The following THUMPD3 variants were observed in gnomAD, a reference collection of about 807,000 sequenced individuals.
THUMPD3 encodes the protein THUMP domain 3 tRNA guanosine methyltransferase.
In THUMPD3, 44 loss-of-function variants were observed where a neutral mutation model predicts 54.5. That is an observed-to-expected ratio of 0.81 (90% CI 0.63 to 1.04). THUMPD3 has a LOEUF of 1.04. Among genes scored for constraint, THUMPD3 ranks in the 50% least tolerant of loss-of-function variants. THUMPD3 has a pLI of 0.00. For missense variants in THUMPD3, 604 were observed against 601.3 expected (o/e 1.00, Z -0.05); for synonymous variants, 196 against 201.4 (o/e 0.97, Z 0.23).
chr3:9,374,431 A>C, intron 4 of THUMPD3, 85 bp from the exon 5 acceptor site: 1 of 1,531,558 alleles, frequency 6.5e-7, no homozygotes. Context: ...AGGAGGGGTG[A>C]ACCGGCCCAG....
At chr3:9,367,713 A>C (rs2031674352) in intron 3 of THUMPD3, among the ~76,000 whole-genome samples, 1 of 152,200 alleles carries the variant, frequency 6.6e-6, no homozygotes, top group African/African-American at 2.4e-5. Context: ...TTATTCAAAA[A>C]CGAGTCAAAG....
chr3:9,367,063 A>G (rs1306066016), intron 3 of THUMPD3, 78 bp downstream of exon 3: 1 of 1,167,370 alleles, frequency 8.6e-7, no homozygotes, highest in African/African-American at 1.5e-5. Context: ...ATAGTCTGTG[A>G]AAGTTTAGCA....
Position 9,366,900 on chromosome 3 carries a change from T to C in THUMPD3, c.253-8T>C, listed in dbSNP as rs1559299229. On this transcript the variant is annotated splice_region_variant and splice_polypyrimidine_tract_variant and intron_variant, in intron 2 of 9. Transcript: ENST00000452837. The stretch of plus-strand genomic sequence containing the variant: ...TCTCAGAAATGTGTTTCTTTTTTTT[T>C]CACCCAGGTTCATTGTCTGAGATCA... 1.9e-6 allele frequency: 3 copies of C among 1,602,010 alleles called. No individual in the cohort carries two copies.
At chr3:9,368,110 A>G (rs1281693207) in intron 3 of THUMPD3, among the ~76,000 whole-genome samples, 1 of 152,154 alleles carries the variant, frequency 6.6e-6, no homozygotes, top group African/African-American at 2.4e-5. Context: ...GTATTAAGTA[A>G]AAATCTAACT....
intron 7 of THUMPD3, among the ~76,000 whole-genome samples, chr3:9,382,188 TTTAAAA>T (rs1645938300): frequency 6.6e-6 from 1 of 152,200 alleles, no homozygotes; most frequent in African/African-American, 2.4e-5. Flanking sequence ...TATGTGTACT[TTTAAAA>T]ATTATGTAAT....
At position 9,377,785 on chromosome 3, in the gene THUMPD3, T is replaced by G. The variant is rs769210091; in HGVS notation, c.939-34T>G. On this transcript the variant is annotated intron_variant, in intron 5 of 9. Transcript: ENST00000452837. ...CAGTATAGAAGCCTCAGCTTTTGAG[T>G]GAGTCTTCACATAGGCTGTTTTCTT... is the stretch of plus-strand genomic sequence containing the variant. 3 of 1,570,340 alleles carry G rather than the reference T, an allele frequency of 1.9e-6. No individual in the cohort carries two copies. The South Asian group carries it at 3.3e-5, about 17-fold the overall frequency.
intron 3 of THUMPD3, 72 bp downstream of exon 3, chr3:9,367,057 T>A: frequency 1.6e-6 from 2 of 1,242,074 alleles, no homozygotes; most frequent in Non-Finnish European, 2.3e-6. Context: ...TTTTTCATAG[T>A]CTGTGAAAGT....
At chr3:9,377,764 A>G in intron 5 of THUMPD3, 55 bp from the exon 6 acceptor site, 3 of 1,393,576 alleles carry the variant, frequency 2.2e-6, no homozygotes, top group Non-Finnish European at 3.1e-6. Context: ...AATCATCAGT[A>G]TAGAAGCCTC....
rs373316869 is a variant in THUMPD3, at chr3:9,385,689, G to T, written c.*1001G>T. 1 of 152,180 alleles carries T rather than the reference G, an allele frequency of 6.6e-6. No individual in the cohort carries two copies. Among genetic ancestry groups the T allele is most frequent in the Admixed American group, 6.5e-5 (1 of 15,276 alleles). 9.4% of individuals were successfully genotyped at this position (152,180 alleles called of 1,614,324 possible). A position where few individuals can be genotyped will look rare whatever the true frequency, so the allele number is the denominator to read the frequency against. On this transcript the variant is annotated 3_prime_UTR_variant, in exon 10 of 10. Coordinates refer to ENST00000452837, the MANE Select transcript of THUMPD3 (RefSeq NM_001114092.2). ...CCAACAAACCAAATTAAAAGAAATT[G>T]TTTTTCTTTCAGTACACTAAGGTGT...
rs774321936 is a variant in THUMPD3 at position 9,371,200 on chromosome 3, G to A, written c.471G>A (p.Lys157=). 1 of 1,610,656 alleles carries A rather than the reference G, an allele frequency of 6.2e-7. No homozygotes were observed. The highest frequency in any genetic ancestry group is 2.2e-5 in the East Asian group (1 of 44,870). Residue 157 remains lysine (K), a synonymous_variant, in exon 4 of 10, where the codon AAG becomes AAA. Coordinates refer to ENST00000452837, the MANE Select transcript of THUMPD3 (RefSeq NM_001114092.2). ...KKINQNSSKE[K]INNGQEVKID... ...TAAATCAGAATTCAAGTAAAGAGAA[G>A]ATTAATAATGGACAAGAAGTCAAAA...
chr3:9,383,270 C>T lies in THUMPD3; in HGVS notation c.1196C>T (p.Ser399Phe). ...DICNLPLRTG[S>F]VDIIVTDLPF... ...TGCAATCTGCCATTGAGAACTGGCT[C>T]TGTGGATATTATTGTAACAGATTTG... Residue 399 changes from serine (S) to phenylalanine (F), a missense_variant, in exon 8 of 10, where the codon TCT becomes TTT. Transcript: ENST00000452837. 1.9e-6 allele frequency: 3 copies of T among 1,613,928 alleles called. No individual in the cohort carries two copies. Among genetic ancestry groups the T allele is most frequent in the African/African-American group, 1.3e-5 (1 of 75,024 alleles).
chr3:9,383,462 G>A (rs766564836), intron 8 of THUMPD3, among the ~76,000 whole-genome samples, 153 bp downstream of exon 8: 13 of 151,992 alleles, frequency 8.6e-5, no homozygotes, highest in Admixed American at 5.9e-4. Context: ...TGTTTCTTCC[G>A]AGAACTCAGG....
intron 2 of THUMPD3, 30 bp downstream of exon 2, chr3:9,365,350 T>C (rs892261921): frequency 1.2e-6 from 2 of 1,607,048 alleles, no homozygotes; most frequent in Middle Eastern, 1.7e-4. Context: ...TAAAATAGTT[T>C]TCTAAGTTGA....
Position 9,364,988 on chromosome 3 carries a change from T to G in THUMPD3, c.-53-28T>G, listed in dbSNP as rs1484428231. On this transcript the variant is annotated intron_variant, in intron 1 of 9. Transcript: ENST00000452837. ...TAACTGAAATATGAGATGATAATAT[T>G]TGGGCTTTATTTCTTTTTCTTTTAA... 2.0e-6 allele frequency: 3 copies of G among 1,511,274 alleles called. No individual in the cohort carries two copies. The African/African-American group carries it at 4.2e-5, about 21-fold the overall frequency. The allele number at this position is 1,511,274 out of a possible 1,614,324, so 93.6% of individuals were successfully genotyped here.
chr3:9,382,555 CTT>C (rs2033009171), intron 7 of THUMPD3, among the ~76,000 whole-genome samples: 1 of 152,142 alleles, frequency 6.6e-6, no homozygotes, highest in Non-Finnish European at 1.5e-5. Context: ...GTTTTACAAA[CTT>C]TATTCTTCAG....
chr3:9,371,251 G>A lies in THUMPD3; in HGVS notation c.522G>A (p.Glu174=), dbSNP rs372452738. The A allele has an allele frequency of 1.7e-5, 27 of 1,612,506 alleles. No individual in the cohort carries two copies. The highest frequency in any genetic ancestry group is 2.3e-5 in the Non-Finnish European group (27 of 1,179,674). ...VKIDQRNVKK[E]FTSHALDSHI... ...TCGATCAGAGAAATGTTAAAAAAGA[G>A]TTCACTAGCCATGCTTTAGATTCTC... is the stretch of plus-strand genomic sequence containing the variant. The change falls in exon 4 of 10, where the codon GAG becomes GAA. Residue 174 remains glutamate, a synonymous_variant. Coordinates refer to ENST00000452837, the MANE Select transcript of THUMPD3 (RefSeq NM_001114092.2).
chr3:9,381,840 C>T (rs1316491276), intron 7 of THUMPD3, among the ~76,000 whole-genome samples: 1 of 120,346 alleles, frequency 8.3e-6, no homozygotes, highest in Non-Finnish European at 1.6e-5. Context: ...AGTGCAGTGG[C>T]TTGATCTCGG....
intron 2 of THUMPD3, 105 bp from the exon 3 acceptor site, chr3:9,366,803 A>T: frequency 1.2e-6 from 1 of 831,480 alleles, no homozygotes; most frequent in Non-Finnish European, 1.8e-6. Context: ...TATAGTTAGT[A>T]GCTGCTTTAA....
At chr3:9,377,711 CCT>C in intron 5 of THUMPD3, 106 bp from the exon 6 acceptor site, 1 of 764,714 alleles carries the variant, frequency 1.3e-6, no homozygotes, top group Non-Finnish European at 2.2e-6. Flanking sequence ...GATTGGTGTT[CCT>C]TCGGGCTAGT....
Sources: allele counts gnomAD v4.1 joint callset (sites outside exome capture counted in the v4.1 genomes callset), GRCh38; gene constraint gnomAD v4.1.1; transcripts MANE v1.5; gene names NCBI Gene and HGNC (gene_info 2026-07-23, HGNC 2026-07-21).